Variants in RPTOR observed in about 807,000 individuals in gnomAD.
RPTOR encodes the protein regulatory associated protein of MTOR complex 1.
Under a neutral mutation model 169.9 loss-of-function variants are expected in RPTOR, and 21 were observed. The observed-to-expected ratio is 0.12, with a 90% confidence interval of 0.09 to 0.18. RPTOR has a LOEUF of 0.18. Among genes scored for constraint, RPTOR ranks in the 10% least tolerant of loss-of-function variants. The probability of loss-of-function intolerance (pLI) is 1.00; values close to 1 mark genes in which losing one functional copy is unlikely to be tolerated. For missense variants in RPTOR, 1,133 were observed against 1,855.9 expected (o/e 0.61, Z 7.16); for synonymous variants, 732 against 753.2 (o/e 0.97, Z 0.46).
At chr17:80,925,141 G>A (rs909279836) in intron 23 of RPTOR, among the ~76,000 whole-genome samples, 4 of 152,198 alleles carry the variant, frequency 2.6e-5, no homozygotes, top group Admixed American at 1.3e-4. Context: ...TGGTGGGACC[G>A]ACGTGGCTCA....
chr17:80,861,461 A>G lies in RPTOR; in HGVS notation c.1509+3561A>G, dbSNP rs1042035885. On this transcript the variant is annotated intron_variant, in intron 13 of 33. Transcript: ENST00000306801. This position sits in a 1 kb window ranked among gnomAD's most constrained non-coding sequence, Gnocchi z 4.5. ...TCATTTCTATTTTACTCTTCTTCAAATTCACTGAAGAGCCACATTATGTAA... is the reference window on the plus strand; with the variant it reads ...TCATTTCTATTTTACTCTTCTTCAAGTTCACTGAAGAGCCACATTATGTAA... Among the ~76,000 whole-genome samples the G allele has an allele frequency of 1.4e-5, 2 of 146,606 alleles. No individual in the cohort carries two copies. Among genetic ancestry groups the G allele is most frequent in the Admixed American group, 1.4e-4 (2 of 14,806 alleles).
chr17:80,925,280 T>G, intron 23 of RPTOR, 90 bp from the exon 24 acceptor site: 1 of 1,126,434 alleles, frequency 8.9e-7, no homozygotes, highest in South Asian at 1.4e-5. Flanking sequence ...GCAGCGCCTT[T>G]GTCCCCAGCT....
rs186082177 is a variant in RPTOR at position 80,709,124 on chromosome 17, C to G, written c.507+1125C>G. On this transcript the variant is annotated intron_variant, in intron 4 of 33. Coordinates refer to ENST00000306801, the MANE Select transcript of RPTOR (RefSeq NM_020761.3). ...CTCGGAAGTTAGAAAGGTATCCACC[C>G]AGCTCCTCCCGCAGGGCACAGGGCA... The G allele has an allele frequency of 4.5e-5, 44 of 983,886 alleles. No homozygotes were observed. The African/African-American group carries it at 6.8e-4, about 15-fold the overall frequency. 60.9% of individuals were successfully genotyped at this position (983,886 alleles called of 1,614,324 possible). A position where few individuals can be genotyped will look rare whatever the true frequency, so the allele number is the denominator to read the frequency against.
intron 11 of RPTOR, 93 bp from the exon 12 acceptor site, chr17:80,855,371 G>C (rs931681228): frequency 9.9e-6 from 9 of 908,476 alleles, no homozygotes; most frequent in Admixed American, 9.0e-5. Context: ...ACTGTGGTCA[G>C]ACCGCTCCAA....
At chr17:80,710,022 G>C (rs923036359) in intron 4 of RPTOR, among the ~76,000 whole-genome samples, 2 of 151,358 alleles carry the variant, frequency 1.3e-5, no homozygotes, top group East Asian at 1.9e-4. Context: ...TGTCACCCAG[G>C]CTGGAGTACA....
intron 1 of RPTOR, among the ~76,000 whole-genome samples, chr17:80,548,443 G>C (rs1015142840): frequency 1.4e-5 from 2 of 141,306 alleles, no homozygotes; most frequent in African/African-American, 5.3e-5. Context: ...GTGCAGTGGT[G>C]TGGTCTTGAC....
intron 3 of RPTOR, among the ~76,000 whole-genome samples, chr17:80,686,524 C>T (rs1280818554): frequency 6.6e-6 from 1 of 151,912 alleles, no homozygotes; most frequent in Non-Finnish European, 1.5e-5. Flanking sequence ...GTTTCTTCCC[C>T]GTGAATGAAG....
intron 4 of RPTOR, among the ~76,000 whole-genome samples, chr17:80,711,762 AGGT>A (rs2066194475): frequency 5.5e-5 from 1 of 18,322 alleles, no homozygotes; most frequent in Non-Finnish European, 1.1e-4. Context: ...TTTTTTTTTG[AGGT>A]TAAGTCTCCC....
rs536196387 is a variant in RPTOR at position 80,601,555 on chromosome 17, CT to C, written c.163-24119del. 4.0e-3 allele frequency among the ~76,000 whole-genome samples: 72 copies of C among 17,994 alleles called. 19 individuals are homozygous for C. The East Asian group carries it at 0.097, about 24-fold the overall frequency. 11.8% of individuals were successfully genotyped at this position (17,994 alleles called of 152,430 possible). On this transcript the variant is annotated intron_variant, in intron 1 of 33. Transcript: ENST00000306801. The stretch of plus-strand genomic sequence containing the variant: ...CTGCTGTTGGTGAAGATGGTTCAGT[CT>C]TTTTTTTTTTTTTTTTAAATTTATT...
At chr17:80,793,734 G>A (rs1250668788) in intron 7 of RPTOR, among the ~76,000 whole-genome samples, 1 of 152,252 alleles carries the variant, frequency 6.6e-6, no homozygotes, top group African/African-American at 2.4e-5. Context: ...AGCTCAGACA[G>A]CGCCACAAGC....
chr17:80,961,810 G>A, intron 31 of RPTOR: 2 of 318,496 alleles, frequency 6.3e-6, no homozygotes, highest in Non-Finnish European at 1.2e-5. Context: ...CGTCTGCCAG[G>A]CACGTGGCAG....
chr17:80,553,663 T>C (rs545849563), intron 1 of RPTOR, among the ~76,000 whole-genome samples: 8 of 152,156 alleles, frequency 5.3e-5, no homozygotes, highest in African/African-American at 1.9e-4. Flanking sequence ...AAATCATCCA[T>C]AGGTAAAAGA....
At chr17:80,839,501 A>C (rs1481377481) in intron 10 of RPTOR, among the ~76,000 whole-genome samples, 1 of 152,206 alleles carries the variant, frequency 6.6e-6, no homozygotes, top group Non-Finnish European at 1.5e-5. Context: ...GCTCCCCGTC[A>C]TGTGCTTGGC....
At chr17:80,738,493 C>G (rs1052199588) in intron 5 of RPTOR, among the ~76,000 whole-genome samples, 2 of 150,204 alleles carry the variant, frequency 1.3e-5, no homozygotes, top group Admixed American at 6.6e-5. Context: ...ATTTAAGAAC[C>G]CTTACCGCTG....
chr17:80,743,718 G>GTTA (rs2066510496), intron 5 of RPTOR, among the ~76,000 whole-genome samples: 1 of 128,866 alleles, frequency 7.8e-6, no homozygotes, highest in African/African-American at 2.6e-5. Flanking sequence ...CACTGTCCTG[G>GTTA]CTACGAGCAC....
intron 24 of RPTOR, among the ~76,000 whole-genome samples, chr17:80,937,822 G>A (rs2068973064): frequency 6.6e-6 from 1 of 152,216 alleles, no homozygotes; most frequent in Non-Finnish European, 1.5e-5. Context: ...ATCTTCCACG[G>A]CATCTCTGCC....
At position 80,879,230 on chromosome 17, in the gene RPTOR, C is replaced by T. The variant is rs568427548; in HGVS notation, c.1510-1185C>T. ...ATCCTCGCATCCCTGGCATCATCTCCGTCCTCTGTCCTTGCTGACCCAGCT... is the reference window on the plus strand; with the variant it reads ...ATCCTCGCATCCCTGGCATCATCTCTGTCCTCTGTCCTTGCTGACCCAGCT... On this transcript the variant is annotated intron_variant, in intron 13 of 33. Transcript: ENST00000306801. Among the ~76,000 whole-genome samples, 30 of 151,960 alleles carry T rather than the reference C, an allele frequency of 2.0e-4. 1 individual carries two copies. The South Asian group carries it at 3.3e-3, about 17-fold the overall frequency.
At chr17:80,794,702 G>A (rs567881139) in intron 7 of RPTOR, among the ~76,000 whole-genome samples, 23 of 152,330 alleles carry the variant, frequency 1.5e-4, no homozygotes, top group African/African-American at 4.8e-4. Flanking sequence ...TGGTGCATCC[G>A]TATGATGGAA....
intron 14 of RPTOR, among the ~76,000 whole-genome samples, chr17:80,882,379 C>T (rs927444154): frequency 1.1e-4 from 17 of 152,202 alleles, no homozygotes; most frequent in African/African-American, 3.9e-4. Flanking sequence ...CAGCAAATAT[C>T]GAAGGCATAA....
Sources: gnomAD v4.1 joint callset for allele counts (sites outside exome capture counted in the v4.1 genomes callset) on GRCh38, gnomAD v4.1.1 for gene constraint, Gnocchi (gnomAD v3.1) non-coding constraint, MANE v1.5 for transcripts, NCBI Gene and HGNC (gene_info 2026-07-23, HGNC 2026-07-21) for gene names.